HSD17B12: variants seen among roughly 807,000 people sequenced by gnomAD.
HSD17B12 encodes hydroxysteroid 17-beta dehydrogenase 12.
HSD17B12 carries 32 observed loss-of-function variants against 39.3 expected under a neutral mutation model. That is an observed-to-expected ratio of 0.81 (90% CI 0.61 to 1.09). HSD17B12 has a LOEUF of 1.09. Among genes scored for constraint, HSD17B12 ranks in the 50% least tolerant of loss-of-function variants. HSD17B12 has a pLI of 0.00. For synonymous variants in HSD17B12, 150 were observed against 146.7 expected (o/e 1.02, Z -0.16); for missense variants, 342 against 382.9 (o/e 0.89, Z 0.89).
chr11:43,662,999 G>T, the HSD17B12 span, among the ~76,000 whole-genome samples: 1 of 152,164 alleles, frequency 6.6e-6, no homozygotes, highest in Non-Finnish European at 1.5e-5. Flanking sequence ...GAACAGCAAG[G>T]AAGTATCTAA....
intron 6 of HSD17B12, among the ~76,000 whole-genome samples, chr11:43,817,753 T>G (rs1297476550): frequency 6.6e-6 from 1 of 152,188 alleles, no homozygotes; most frequent in Non-Finnish European, 1.5e-5. Flanking sequence ...GGCGTTATAG[T>G]GTAGTTTGAA....
chr11:43,840,063 A>G lies in HSD17B12; in HGVS notation c.683A>G (p.Gln228Arg). Reference sequence around the variant, plus strand: ...TATAGGAGCAAGGGCGTCTTTGTGCAGGTGAGTGGAGTTTGTTTCACTTAA... The same window carrying G: ...TATAGGAGCAAGGGCGTCTTTGTGCGGGTGAGTGGAGTTTGTTTCACTTAA... ...EEYRSKGVFV[Q>R]SVLPYFVATK... The change falls in exon 9 of 11, where the codon CAG becomes CGG. Residue 228 changes from glutamine (Q) to arginine (R), a missense_variant and splice_region_variant. By Grantham distance (43) the Gln-to-Arg change is conservative. Coordinates refer to ENST00000278353, the MANE Select transcript of HSD17B12 (RefSeq NM_016142.3). 1.2e-6 allele frequency: 2 copies of G among 1,610,824 alleles called. No homozygotes were observed. The highest frequency in any genetic ancestry group is 1.7e-5 in the Admixed American group (1 of 59,502).
At chr11:43,813,928 T>C (rs973504225) in intron 4 of HSD17B12, among the ~76,000 whole-genome samples, 8 of 152,210 alleles carry the variant, frequency 5.3e-5, no homozygotes, top group Admixed American at 3.9e-4. Context: ...CCTCAAGTGA[T>C]TGGCTTATAA....
the HSD17B12 span, among the ~76,000 whole-genome samples, chr11:43,674,255 G>T: frequency 6.6e-6 from 1 of 152,108 alleles, no homozygotes; most frequent in African/African-American, 2.4e-5. Context: ...GAATAGGAGT[G>T]GGTCATCATT....
rs377362246 is a variant in HSD17B12 at position 43,801,144 on chromosome 11, GA to G, written c.391+2727del. 4.2e-3 allele frequency among the ~76,000 whole-genome samples: 581 copies of G among 139,832 alleles called. 6 individuals carry two copies. The East Asian group carries it at 0.046, about 11-fold the overall frequency. The allele number at this position is 139,832 out of a possible 152,430, so 91.7% of individuals were successfully genotyped here. ...ACAAAGTGAGACTCTGTCTCAAAAA[GA>G]AAAAAAAAAGAGCTATACTGCATTA... is the stretch of plus-strand genomic sequence containing the variant. On this transcript the variant is annotated intron_variant, in intron 4 of 10. Transcript: ENST00000278353.
At chr11:43,624,451 A>G in the HSD17B12 span, among the ~76,000 whole-genome samples, 2 of 151,942 alleles carry the variant, frequency 1.3e-5, no homozygotes, top group Non-Finnish European at 2.9e-5. Flanking sequence ...AAAGAGACTC[A>G]TTAAGCTATC....
chr11:43,810,689 A>G (rs1405735577), intron 4 of HSD17B12, among the ~76,000 whole-genome samples: 2 of 152,058 alleles, frequency 1.3e-5, no homozygotes, highest in Non-Finnish European at 2.9e-5. Flanking sequence ...CTAGTCAGAA[A>G]CCAATGGGAA....
intron 1 of HSD17B12, among the ~76,000 whole-genome samples, chr11:43,744,621 G>T (rs890497341): frequency 2.6e-5 from 4 of 152,108 alleles, no homozygotes; most frequent in African/African-American, 9.7e-5. Context: ...GGTATATCCT[G>T]GATATCCTGG....
chr11:43,738,983 G>A (rs192107828), intron 1 of HSD17B12, among the ~76,000 whole-genome samples: 10 of 152,336 alleles, frequency 6.6e-5, no homozygotes, highest in African/African-American at 1.9e-4. Flanking sequence ...TTTGGGTAAG[G>A]GTTTGGGGAA....
chr11:43,588,504 A>G, the HSD17B12 span, among the ~76,000 whole-genome samples: 1 of 152,130 alleles, frequency 6.6e-6, no homozygotes, highest in East Asian at 1.9e-4. Context: ...AATGGGGATA[A>G]TGATAACACC....
intron 1 of HSD17B12, among the ~76,000 whole-genome samples, chr11:43,691,514 CCA>C (rs1949862233): frequency 6.6e-6 from 1 of 152,184 alleles, no homozygotes; most frequent in African/African-American, 2.4e-5. Flanking sequence ...GCTGAATCTA[CCA>C]CTACAGTCTC....
chr11:43,847,016 A>C (rs960935955), intron 9 of HSD17B12, among the ~76,000 whole-genome samples: 2 of 152,204 alleles, frequency 1.3e-5, no homozygotes, highest in Admixed American at 6.5e-5. Flanking sequence ...CAAATAAGAC[A>C]ATTGTATAGA....
At chr11:43,587,038 C>A in the HSD17B12 span, among the ~76,000 whole-genome samples, 1 of 152,120 alleles carries the variant, frequency 6.6e-6, no homozygotes, top group African/African-American at 2.4e-5. Context: ...AGCTGACAAG[C>A]GGTGGAAAGA....
At chr11:43,585,690 C>T in the HSD17B12 span, among the ~76,000 whole-genome samples, 8 of 152,246 alleles carry the variant, frequency 5.3e-5, no homozygotes, top group African/African-American at 1.9e-4. Context: ...CTTTTAAGTT[C>T]CCCTTTTGAA....
the HSD17B12 span, among the ~76,000 whole-genome samples, chr11:43,652,740 C>T: frequency 8.5e-5 from 13 of 152,236 alleles, no homozygotes; most frequent in East Asian, 2.3e-3. Context: ...TCCATGCCCT[C>T]CCCAGGCACA....
At chr11:43,757,655 A>AC (rs1402448877) in intron 3 of HSD17B12, among the ~76,000 whole-genome samples, 11 of 142,980 alleles carry the variant, frequency 7.7e-5, no homozygotes, top group African/African-American at 2.3e-4. Flanking sequence ...AAAAAAAAAA[A>AC]AAAAAAAAAA....
chr11:43,600,971 A>G, the HSD17B12 span, among the ~76,000 whole-genome samples: 1 of 151,656 alleles, frequency 6.6e-6, no homozygotes, highest in Non-Finnish European at 1.5e-5. Context: ...CCCCAGGTCT[A>G]TTGGCTTCTC....
At chr11:43,684,499 A>G (rs532687842) in intron 1 of HSD17B12, among the ~76,000 whole-genome samples, 5 of 152,360 alleles carry the variant, frequency 3.3e-5, no homozygotes, top group Non-Finnish European at 7.3e-5. Flanking sequence ...AATGATTGCT[A>G]TTGAAATAAA....
At chr11:43,814,426 T>C (rs1033487151) in intron 4 of HSD17B12, among the ~76,000 whole-genome samples, 17 of 152,220 alleles carry the variant, frequency 1.1e-4, no homozygotes, top group African/African-American at 4.1e-4. Context: ...TCATGAGTTA[T>C]TTATTTAGTT....
Sources: gnomAD v4.1 joint callset for allele counts (sites outside exome capture counted in the v4.1 genomes callset) on GRCh38, gnomAD v4.1.1 for gene constraint, MANE v1.5 for transcripts, NCBI Gene and HGNC (gene_info 2026-07-23, HGNC 2026-07-21) for gene names.